RANBP9: variants seen among roughly 807,000 people sequenced by gnomAD.
RANBP9 encodes ran-binding protein 9.
RANBP9 carries 15 observed loss-of-function variants against 84.3 expected under a neutral mutation model. The observed-to-expected ratio is 0.18, with a 90% CI of 0.12 to 0.27. The LOEUF is 0.27. RANBP9 is among the 10% of genes least tolerant of loss of function. The probability of loss-of-function intolerance (pLI) is 1.00; values close to 1 mark genes in which losing one functional copy is unlikely to be tolerated. For synonymous variants in RANBP9, 392 were observed against 349.6 expected (o/e 1.12, Z -1.35); for missense variants, 809 against 912.8 (o/e 0.89, Z 1.46).
At chr6:13,671,463 A>T (rs1456302040) in intron 2 of RANBP9, among the ~76,000 whole-genome samples, 2 of 152,238 alleles carry the variant, frequency 1.3e-5, no homozygotes, top group African/African-American at 4.8e-5. Flanking sequence ...AAAGGAATGG[A>T]GTATTGATAT....
chr6:13,690,095 T>C (rs1466291512), intron 2 of RANBP9, among the ~76,000 whole-genome samples: 4 of 152,178 alleles, frequency 2.6e-5, no homozygotes, highest in Non-Finnish European at 5.9e-5. Context: ...ACATGTTCCG[T>C]AGTTAAGTGA....
rs145895934 is a variant in RANBP9, at chr6:13,645,218, T to C, written c.928-489A>G. On this transcript the variant is annotated intron_variant, in intron 5 of 13. Coordinates refer to ENST00000011619, the MANE Select transcript of RANBP9 (RefSeq NM_005493.3). ...TTAAATTTACTGTTTTCATTCTGTA[T>C]ATTTGGGATGCCTAACTTTACAAAG... 3.1e-3 allele frequency among the ~76,000 whole-genome samples: 472 copies of C among 152,226 alleles called. 3 individuals carry two copies. Among genetic ancestry groups the C allele is most frequent in the African/African-American group, 0.011 (460 of 41,522 alleles).
intron 1 of RANBP9, among the ~76,000 whole-genome samples, chr6:13,710,064 G>A (rs1223689657): frequency 6.6e-6 from 1 of 152,040 alleles, no homozygotes; most frequent in African/African-American, 2.4e-5. Flanking sequence ...AGTTCCCATA[G>A]CAATTCATAA....
chr6:13,652,484 T>C (rs775106548), intron 5 of RANBP9, among the ~76,000 whole-genome samples, 175 bp downstream of exon 5: 3 of 152,208 alleles, frequency 2.0e-5, no homozygotes, highest in Non-Finnish European at 2.9e-5. Flanking sequence ...TGGAGCTTAA[T>C]TTCTGAGGGT....
rs187219441 is a variant in RANBP9 at position 13,648,637 on chromosome 6, T to C, written c.928-3908A>G. 1.4e-3 allele frequency among the ~76,000 whole-genome samples: 220 copies of C among 152,346 alleles called. 2 individuals are homozygous for C. Among genetic ancestry groups the C allele is most frequent in the African/African-American group, 5.1e-3 (212 of 41,578 alleles). ...GCAAAACATACTTTCAATCTAGAAA[T>C]TGCTTAAAAGCTAAATGTACACAAT... On this transcript the variant is annotated intron_variant, in intron 5 of 13. Coordinates refer to ENST00000011619, the MANE Select transcript of RANBP9 (RefSeq NM_005493.3).
chr6:13,687,139 G>A (rs189782476), intron 2 of RANBP9, among the ~76,000 whole-genome samples: 35 of 152,038 alleles, frequency 2.3e-4, no homozygotes, highest in Admixed American at 2.0e-3. Context: ...CTTTGTTTTT[G>A]TTACATTACA....
chr6:13,688,840 A>T (rs146033579), intron 2 of RANBP9, among the ~76,000 whole-genome samples: 1 of 151,808 alleles, frequency 6.6e-6, no homozygotes, highest in Non-Finnish European at 1.5e-5. Flanking sequence ...CAGGTATCAT[A>T]TATCTTCCCT....
intron 6 of RANBP9, among the ~76,000 whole-genome samples, chr6:13,642,888 T>A (rs2127765741): frequency 6.6e-6 from 1 of 152,326 alleles, no homozygotes; most frequent in Admixed American, 6.5e-5. Context: ...TGGACTCTCA[T>A]TACCCCCAGG....
chr6:13,624,516 T>C (rs1764545373), intron 13 of RANBP9, among the ~76,000 whole-genome samples: 1 of 152,224 alleles, frequency 6.6e-6, no homozygotes, highest in Non-Finnish European at 1.5e-5. Flanking sequence ...ACTCACTCTT[T>C]ATATAAATTA....
rs1764467804 is a variant in RANBP9, at chr6:13,622,153, A to AGT, written c.*208_*209insAC. The AGT allele has an allele frequency of 5.2e-6, 2 of 381,210 alleles. No individual in the cohort carries two copies. Among genetic ancestry groups the AGT allele is most frequent in the African/African-American group, 4.2e-5 (2 of 47,948 alleles). 23.6% of individuals were successfully genotyped at this position (381,210 alleles called of 1,614,324 possible). On this transcript the variant is annotated 3_prime_UTR_variant, in exon 14 of 14. Coordinates refer to ENST00000011619, the MANE Select transcript of RANBP9 (RefSeq NM_005493.3). ...TTCAGTAATATTTAACTCTTAGACA[A>AGT]CTAAGAGGTTAAAGATGGAAAATAA...
intron 2 of RANBP9, among the ~76,000 whole-genome samples, chr6:13,691,078 G>T (rs1005216615): frequency 6.7e-6 from 1 of 149,076 alleles, no homozygotes; most frequent in East Asian, 2.0e-4. Flanking sequence ...TAAGACAAGA[G>T]AATTCCTTGA....
intron 1 of RANBP9, among the ~76,000 whole-genome samples, chr6:13,701,862 C>G (rs1757980347): frequency 6.6e-6 from 1 of 152,230 alleles, no homozygotes; most frequent in Non-Finnish European, 1.5e-5. Context: ...TGATCTATGT[C>G]CACGGCAGTC....
At chr6:13,690,829 A>G (rs1032388142) in intron 2 of RANBP9, among the ~76,000 whole-genome samples, 2 of 152,306 alleles carry the variant, frequency 1.3e-5, no homozygotes, top group Admixed American at 1.3e-4. Flanking sequence ...ATCACTAAAA[A>G]GAAGGGAAAG....
intron 2 of RANBP9, among the ~76,000 whole-genome samples, chr6:13,672,190 C>A (rs546349024): frequency 5.1e-4 from 78 of 152,106 alleles, no homozygotes; most frequent in African/African-American, 1.8e-3. Flanking sequence ...GGAAAAGTAA[C>A]CATTTTGAAA....
chr6:13,710,970 C>T lies in RANBP9; in HGVS notation c.536G>A (p.Gly179Asp). The T allele has an allele frequency of 6.2e-7, 1 of 1,609,900 alleles. No individual in the cohort carries two copies. The highest frequency in any genetic ancestry group is 8.5e-7 in the Non-Finnish European group (1 of 1,178,356). Reference sequence around the variant, plus strand: ...CACCCGCAGGTTGTTCTGAGAGAGGCCGATGTAGCTGAACTTGTCCTTCGG... The same window carrying T: ...CACCCGCAGGTTGTTCTGAGAGAGGTCGATGTAGCTGAACTTGTCCTTCGG... ...WSPKDKFSYI[G>D]LSQNNLRVHY... Residue 179 changes from glycine to aspartate, a missense_variant, in exon 1 of 14, where the codon GGC (glycine) becomes GAC (aspartate). This residue lies in a region of RANBP9 where 302 missense variants were observed against 240.1 expected (regional missense o/e 1.26). Coordinates refer to ENST00000011619, the MANE Select transcript of RANBP9 (RefSeq NM_005493.3).
intron 1 of RANBP9, among the ~76,000 whole-genome samples, chr6:13,698,207 T>G (rs1228625249): frequency 6.6e-6 from 1 of 151,758 alleles, no homozygotes; most frequent in Non-Finnish European, 1.5e-5. Context: ...CCATGAAAAC[T>G]TGGGTTATGG....
chr6:13,695,057 G>A (rs920268170), intron 2 of RANBP9, among the ~76,000 whole-genome samples: 3 of 152,164 alleles, frequency 2.0e-5, no homozygotes, highest in Admixed American at 1.3e-4. Context: ...AAAAGAAAAA[G>A]GGTAAGGTAT....
chr6:13,643,096 A>T (rs1383676324), intron 6 of RANBP9, among the ~76,000 whole-genome samples: 1 of 152,224 alleles, frequency 6.6e-6, no homozygotes, highest in Non-Finnish European at 1.5e-5. Flanking sequence ...TGTACAGAAT[A>T]CTAAGGTGAA....
intron 1 of RANBP9, among the ~76,000 whole-genome samples, chr6:13,702,710 G>A (rs953104438): frequency 6.6e-6 from 1 of 151,708 alleles, no homozygotes; most frequent in Non-Finnish European, 1.5e-5. Flanking sequence ...ACTATCAGCC[G>A]TTAAAAATTA....
Sources: gnomAD v4.1 joint callset for allele counts (sites outside exome capture counted in the v4.1 genomes callset) on GRCh38, gnomAD v4.1.1 for gene constraint, gnomAD v4.1.1 regional missense constraint, MANE v1.5 for transcripts, NCBI Gene and HGNC (gene_info 2026-07-23, HGNC 2026-07-21) for gene names.